The following MYO3B variants were observed in gnomAD, a reference collection of about 807,000 sequenced individuals.
The protein encoded by MYO3B is myosin-IIIb.
A neutral mutation model predicts 174.6 loss-of-function variants in MYO3B; 156 were observed. That is an observed-to-expected ratio of 0.89 (90% CI 0.78 to 1.02). The LOEUF (loss-of-function observed/expected upper bound fraction) is 1.02, where lower values mean the gene tolerates loss of function less well. MYO3B is among the 50% of genes least tolerant of loss of function. The pLI, the probability that MYO3B is intolerant of heterozygous loss-of-function variation, is 0.00. For missense variants in MYO3B, 1,632 were observed against 1,639.4 expected, an observed-to-expected ratio of 1.00 and a Z score of 0.08; for synonymous variants, 563 against 569.1, an observed-to-expected ratio of 0.99 and a Z score of 0.15.
intron 25 of MYO3B, among the ~76,000 whole-genome samples, chr2:170,496,934 C>T (rs1388598758): frequency 6.6e-6 from 1 of 151,914 alleles, no homozygotes; most frequent in Non-Finnish European, 1.5e-5. Flanking sequence ...GGTGCCTCAA[C>T]AAGTTATATT....
chr2:170,355,496 C>T (rs1411966844), intron 8 of MYO3B, among the ~76,000 whole-genome samples: 1 of 152,180 alleles, frequency 6.6e-6, no homozygotes, highest in African/African-American at 2.4e-5. Context: ...CTCCTAGCCC[C>T]ACTGTGTATT....
At chr2:170,465,222 C>T (rs933154649) in intron 24 of MYO3B, among the ~76,000 whole-genome samples, 1 of 152,076 alleles carries the variant, frequency 6.6e-6, no homozygotes, top group African/African-American at 2.4e-5. Context: ...CACGGTTCTG[C>T]AGGCTCCACA....
chr2:170,180,762 A>T (rs995481671), intron 1 of MYO3B, among the ~76,000 whole-genome samples: 1 of 152,202 alleles, frequency 6.6e-6, no homozygotes, highest in Non-Finnish European at 1.5e-5. Flanking sequence ...GGAAAAATGT[A>T]TATAAGGATA....
intron 1 of MYO3B, among the ~76,000 whole-genome samples, chr2:170,192,623 C>G (rs1381228121): frequency 6.7e-6 from 1 of 149,916 alleles, no homozygotes; most frequent in African/African-American, 2.4e-5. Flanking sequence ...CTATTTCTAC[C>G]TTTTTGAATA....
rs1023288026 is a variant in MYO3B at position 170,429,688 on chromosome 2, C to T, written c.2651-14279C>T. ...AGGTTTACATTCTGTATCTGTCTTG[C>T]GCATGTCTTTCAGATAGAATACCTT... On this transcript the variant is annotated intron_variant, in intron 22 of 34. Transcript: ENST00000408978. Among the ~76,000 whole-genome samples the T allele has an allele frequency of 5.9e-5, 9 of 152,302 alleles. No individual in the cohort carries two copies. In the South Asian group the frequency reaches 1.0e-3, roughly 18 times the overall value.
chr2:170,430,122 G>C (rs1471928479), intron 22 of MYO3B, among the ~76,000 whole-genome samples: 1 of 151,692 alleles, frequency 6.6e-6, no homozygotes, highest in Non-Finnish European at 1.5e-5. Context: ...TCAGGGCTGA[G>C]TGCGTAGGTT....
intron 28 of MYO3B, among the ~76,000 whole-genome samples, chr2:170,504,987 A>G (rs1687529848): frequency 6.6e-6 from 1 of 152,040 alleles, no homozygotes; most frequent in Admixed American, 6.6e-5. Flanking sequence ...CCACATTTGC[A>G]TTTTCAAAAT....
At chr2:170,616,668 A>C (rs1695485208) in intron 32 of MYO3B, among the ~76,000 whole-genome samples, 1 of 152,220 alleles carries the variant, frequency 6.6e-6, no homozygotes, top group African/African-American at 2.4e-5. Context: ...ATAAACCAAT[A>C]GTACAAATTA....
chr2:170,597,372 GAA>G (rs1045370668), intron 32 of MYO3B, among the ~76,000 whole-genome samples: 7 of 61,338 alleles, frequency 1.1e-4, no homozygotes, highest in South Asian at 4.5e-4. Context: ...CATCTCAAAA[GAA>G]AAAAAAAAAA....
intron 22 of MYO3B, chr2:170,412,021 A>G (rs1034665594): frequency 6.6e-6 from 1 of 152,268 alleles, no homozygotes; most frequent in South Asian, 2.1e-4. Context: ...CTTCCTATTG[A>G]TAGGAAATCC....
rs1275082600 is a variant in MYO3B at position 170,537,220 on chromosome 2, A to C, written c.3576-5686A>C. 3.1e-3 allele frequency among the ~76,000 whole-genome samples: 439 copies of C among 141,980 alleles called. 8 individuals are homozygous for C. Among genetic ancestry groups the C allele is most frequent in the Non-Finnish European group, 4.6e-3 (302 of 65,780 alleles). The allele number at this position is 141,980 out of a possible 152,430, so 93.1% of individuals were successfully genotyped here. ...TGTCTCAAAAAAAAAAAAAAACAAA[A>C]AACAAAAAGTATCCTGGTCTCAGGA... On this transcript the variant is annotated intron_variant, in intron 30 of 34. Transcript: ENST00000408978.
At chr2:170,228,549 CAAGT>C (rs914384543) in intron 6 of MYO3B, among the ~76,000 whole-genome samples, 4 of 152,122 alleles carry the variant, frequency 2.6e-5, no homozygotes, top group African/African-American at 9.7e-5. Context: ...ACTTAACACA[CAAGT>C]AAGAATAAAT....
At chr2:170,392,958 T>A (rs1425935706) in intron 16 of MYO3B, among the ~76,000 whole-genome samples, 1 of 151,930 alleles carries the variant, frequency 6.6e-6, no homozygotes, top group Non-Finnish European at 1.5e-5. Context: ...CAGAAATATA[T>A]TTATGCAAGT....
chr2:170,630,265 G>C (rs1696837798), intron 32 of MYO3B, among the ~76,000 whole-genome samples: 1 of 152,190 alleles, frequency 6.6e-6, no homozygotes, highest in Non-Finnish European at 1.5e-5. Context: ...TCCTGCACTT[G>C]GCGCAGTGGG....
At position 170,206,403 on chromosome 2, in the gene MYO3B, T is replaced by C. The variant is rs563822681; in HGVS notation, c.321+6119T>C. Among the ~76,000 whole-genome samples, 3 of 152,328 alleles carry C rather than the reference T, an allele frequency of 2.0e-5. No individual in the cohort carries two copies. In the East Asian group the frequency reaches 5.8e-4, roughly 29 times the overall value. ...CACACTATAATTACTCGTATGTCCA[T>C]TACTGGGCAGTGACCTCTTTGAGGC... On this transcript the variant is annotated intron_variant, in intron 3 of 34. Coordinates refer to ENST00000408978, the MANE Select transcript of MYO3B (RefSeq NM_138995.5). The surrounding 1 kb of genome is among the most constrained non-coding windows in gnomAD (Gnocchi z 4.3).
chr2:170,372,138 A>AAAAAAC (rs1421909223), intron 9 of MYO3B, among the ~76,000 whole-genome samples: 2 of 148,630 alleles, frequency 1.3e-5, no homozygotes, highest in African/African-American at 4.9e-5. Context: ...AAAAAAAAAA[A>AAAAAAC]AAAAAAACAA....
At chr2:170,247,672 T>C (rs1459756857) in intron 7 of MYO3B, among the ~76,000 whole-genome samples, 3 of 152,182 alleles carry the variant, frequency 2.0e-5, no homozygotes, top group African/African-American at 7.2e-5. Flanking sequence ...TGGTGTCTGA[T>C]GAGGGCTCAC....
chr2:170,408,308 AC>A (rs1364627510), intron 22 of MYO3B, among the ~76,000 whole-genome samples: 11 of 152,138 alleles, frequency 7.2e-5, no homozygotes, highest in African/African-American at 2.7e-4. Flanking sequence ...CCCAGTTATG[AC>A]CCCACCCTAC....
At chr2:170,411,547 G>A (rs2094546380) in intron 22 of MYO3B, among the ~76,000 whole-genome samples, 1 of 152,196 alleles carries the variant, frequency 6.6e-6, no homozygotes, top group Non-Finnish European at 1.5e-5. Flanking sequence ...TTTATATGCA[G>A]TCCATTGTTG....
Sources: gnomAD v4.1 joint callset for allele counts (sites outside exome capture counted in the v4.1 genomes callset) on GRCh38, gnomAD v4.1.1 for gene constraint, Gnocchi (gnomAD v3.1) non-coding constraint, MANE v1.5 for transcripts, NCBI Gene and HGNC (gene_info 2026-07-23, HGNC 2026-07-21) for gene names.